ATP11A: variants seen among roughly 807,000 people sequenced by gnomAD.
ATP11A encodes ATPase phospholipid transporting 11A.
ATP11A carries 81 observed loss-of-function variants against 154.4 expected under a neutral mutation model. The ratio of observed to expected loss-of-function variants is 0.52; its 90% CI spans 0.44 to 0.63. The LOEUF (loss-of-function observed/expected upper bound fraction) is 0.63. Among genes scored for constraint, ATP11A ranks in the 30% least tolerant of loss-of-function variants. ATP11A has a pLI of 0.00. For missense variants in ATP11A, 1,316 were observed against 1,474.3 expected, an observed-to-expected ratio of 0.89 and a Z score of 1.76; for synonymous variants, 623 against 585.9, an observed-to-expected ratio of 1.06 and a Z score of -0.91.
chr13:112,806,320 G>A (rs1206571599), intron 4 of ATP11A, 27 bp downstream of exon 4: 1 of 1,556,964 alleles, frequency 6.4e-7, no homozygotes, highest in South Asian at 1.1e-5. Context: ...CGAAAAAGAA[G>A]CAATCGTCAT....
chr13:112,761,456 C>T (rs1209183024), intron 1 of ATP11A, among the ~76,000 whole-genome samples: 3 of 152,176 alleles, frequency 2.0e-5, no homozygotes, highest in Non-Finnish European at 4.4e-5. Context: ...TAATCTCTTA[C>T]TGTGCCTAAT....
chr13:112,827,842 C>T (rs1007629470), intron 12 of ATP11A, among the ~76,000 whole-genome samples: 2 of 152,216 alleles, frequency 1.3e-5, no homozygotes, highest in African/African-American at 4.8e-5. Flanking sequence ...GATCATGTTC[C>T]ACATTTGATG....
chr13:112,835,687 C>A (rs2079214041), intron 15 of ATP11A, among the ~76,000 whole-genome samples: 1 of 152,232 alleles, frequency 6.6e-6, no homozygotes, highest in Non-Finnish European at 1.5e-5. Context: ...GCGGGGGCTG[C>A]CAAACACTTC....
chr13:112,809,202 G>A (rs931145001), intron 4 of ATP11A, among the ~76,000 whole-genome samples: 1 of 152,178 alleles, frequency 6.6e-6, no homozygotes, highest in Non-Finnish European at 1.5e-5. Flanking sequence ...CTTCCAGGAA[G>A]ACTGTTCTTC....
In ATP11A at chr13:112,858,163, G is replaced by C; in HGVS notation, c.2540G>C (p.Gly847Ala). ...HVGIGVIGKE[G>A]RQAARNSDYA... ...CTTCTAGGTGTCATCGGCAAGGAAG[G>C]CCGCCAGGCTGCCAGGAACAGCGAC... The change falls in exon 22 of 30, where the codon GGC becomes GCC. Residue 847 changes from glycine to alanine, a missense_variant. Around this residue, in one of 5 missense-constraint regions of ATP11A, gnomAD observed 876 missense variants for 1,006.8 expected, o/e 0.87. Transcript: ENST00000375645. The C allele has an allele frequency of 1.2e-6, 2 of 1,613,678 alleles. No individual in the cohort carries two copies. The highest frequency in any genetic ancestry group is 1.7e-6 in the Non-Finnish European group (2 of 1,179,840).
chr13:112,777,946 G>T (rs926426248), intron 1 of ATP11A, among the ~76,000 whole-genome samples: 4 of 152,232 alleles, frequency 2.6e-5, no homozygotes, highest in African/African-American at 9.6e-5. Context: ...ACCCTGCACG[G>T]AGAGGCCTGG....
chr13:112,714,836 A>C (rs1190548306), intron 1 of ATP11A, among the ~76,000 whole-genome samples: 1 of 152,218 alleles, frequency 6.6e-6, no homozygotes, highest in Non-Finnish European at 1.5e-5. Flanking sequence ...TGCACAGTTC[A>C]GTGCTTTAGC....
At chr13:112,801,497 A>G (rs905226510) in intron 2 of ATP11A, among the ~76,000 whole-genome samples, 1 of 152,262 alleles carries the variant, frequency 6.6e-6, no homozygotes, top group African/African-American at 2.4e-5. Context: ...GGAAGGAATA[A>G]GACTATCTTT....
At chr13:112,744,928 A>T (rs187306253) in intron 1 of ATP11A, among the ~76,000 whole-genome samples, 1 of 152,252 alleles carries the variant, frequency 6.6e-6, no homozygotes, top group East Asian at 1.9e-4. Context: ...AAATGTGATC[A>T]TACATCTGGG....
chr13:112,701,895 T>G (rs1886587803), intron 1 of ATP11A, among the ~76,000 whole-genome samples: 4 of 152,042 alleles, frequency 2.6e-5, no homozygotes, highest in Admixed American at 2.6e-4. Context: ...TTCCTCCCAG[T>G]GTTACCCCCG....
intron 1 of ATP11A, among the ~76,000 whole-genome samples, chr13:112,774,608 G>A (rs970724268): frequency 6.6e-6 from 1 of 152,238 alleles, no homozygotes; most frequent in Admixed American, 6.5e-5. Flanking sequence ...AGGTAAAGCA[G>A]CCCTGAAAGA....
chr13:112,724,188 C>T (rs1254839914), intron 1 of ATP11A, among the ~76,000 whole-genome samples: 1 of 144,888 alleles, frequency 6.9e-6, no homozygotes. Context: ...CCCTCTTCGC[C>T]CCCATCGGCA....
At chr13:112,856,215 CGTGATA>C in intron 20 of ATP11A, 130 bp downstream of exon 20, 1 of 908,584 alleles carries the variant, frequency 1.1e-6, no homozygotes, top group Admixed American at 3.2e-5. Context: ...TAGAAGCAAC[CGTGATA>C]GAGATTTAAA....
intron 1 of ATP11A, among the ~76,000 whole-genome samples, chr13:112,740,917 C>T (rs1053580670): frequency 6.6e-6 from 1 of 152,166 alleles, no homozygotes; most frequent in African/African-American, 2.4e-5. Context: ...TTATTCAGGG[C>T]GGAATTTTCA....
intron 5 of ATP11A, among the ~76,000 whole-genome samples, chr13:112,815,150 C>T (rs188244366): frequency 2.2e-3 from 339 of 152,332 alleles, no homozygotes; most frequent in African/African-American, 7.8e-3. Context: ...GACATGCAGC[C>T]CAGATCTGCA....
intron 1 of ATP11A, among the ~76,000 whole-genome samples, chr13:112,766,126 A>T: frequency 6.6e-6 from 1 of 151,926 alleles, no homozygotes; most frequent in Non-Finnish European, 1.5e-5. Flanking sequence ...CTTATTCTTC[A>T]GATGTGCCCA....
rs554935898 is a variant in ATP11A, at chr13:112,859,155, C to T, written c.2668-238C>T. ...ATACCTGCATTGCCTTCTTGTTTCT[C>T]TTGGAGCTGACAAATTTCCTCTATA... is the stretch of plus-strand genomic sequence containing the variant. On this transcript the variant is annotated intron_variant, in intron 22 of 29. Transcript: ENST00000375645. The surrounding 1 kb of genome is among the most constrained non-coding windows in gnomAD (Gnocchi z 4.3). 11 of 533,140 alleles carry T rather than the reference C, an allele frequency of 2.1e-5. No individual in the cohort carries two copies. Among genetic ancestry groups the T allele is most frequent in the African/African-American group, 1.9e-4 (10 of 52,486 alleles). The allele number at this position is 533,140 out of a possible 1,614,324, so 33.0% of individuals were successfully genotyped here. A position where few individuals can be genotyped will look rare whatever the true frequency, so the allele number is the denominator to read the frequency against.
intron 1 of ATP11A, among the ~76,000 whole-genome samples, chr13:112,757,071 CTTTTTA>C (rs1176542263): frequency 6.6e-6 from 1 of 152,250 alleles, no homozygotes; most frequent in Non-Finnish European, 1.5e-5. Flanking sequence ...ATGCTAAGTG[CTTTTTA>C]TTTATTTAGG....
intron 1 of ATP11A, among the ~76,000 whole-genome samples, chr13:112,728,263 CCT>C (rs1394541453): frequency 6.6e-6 from 1 of 152,202 alleles, no homozygotes; most frequent in Non-Finnish European, 1.5e-5. Context: ...GGCCCACCTC[CCT>C]GTGTTACCTG....
Sources: gnomAD v4.1 joint callset for allele counts (sites outside exome capture counted in the v4.1 genomes callset) on GRCh38, gnomAD v4.1.1 for gene constraint, gnomAD v4.1.1 regional missense constraint, Gnocchi (gnomAD v3.1) non-coding constraint, MANE v1.5 for transcripts, NCBI Gene and HGNC (gene_info 2026-07-23, HGNC 2026-07-21) for gene names.